The following IL1RAPL1 variants were observed in gnomAD, a reference collection of about 807,000 sequenced individuals.
The protein encoded by IL1RAPL1 is interleukin 1 receptor accessory protein like 1.
In IL1RAPL1, 3 loss-of-function variants were observed where a neutral mutation model predicts 48.4. That is an observed-to-expected ratio of 0.06 (90% CI 0.03 to 0.16). IL1RAPL1 has a LOEUF of 0.16. Ranked by LOEUF, IL1RAPL1 falls within the 10% of genes least tolerant of loss-of-function variation. The pLI is 1.00. For synonymous variants in IL1RAPL1, 185 were observed against 187.7 expected (o/e 0.99, Z 0.12); for missense variants, 349 against 530.6 (o/e 0.66, Z 3.36).
intron 2 of IL1RAPL1, among the ~76,000 whole-genome samples, chrX:29,226,850 T>C (rs929166227): frequency 2.7e-5 from 3 of 111,782 alleles, no homozygotes; most frequent in Non-Finnish European, 3.8e-5. Context: ...TCTCAAATAA[T>C]GAGCTAAAAT....
intron 2 of IL1RAPL1, among the ~76,000 whole-genome samples, chrX:29,086,412 A>T (rs921654528): frequency 8.9e-6 from 1 of 112,313 alleles, no homozygotes; most frequent in East Asian, 2.8e-4. Context: ...TTATCTGTCA[A>T]TCTCAAGGTA....
chrX:29,444,624 C>T (rs1302994815), intron 5 of IL1RAPL1, among the ~76,000 whole-genome samples: 1 of 111,498 alleles, frequency 9.0e-6, no homozygotes, highest in Non-Finnish European at 1.9e-5. Flanking sequence ...AGCATTTCCC[C>T]AGCCAGACTT....
At chrX:29,365,550 T>G (rs1270617708) in intron 3 of IL1RAPL1, among the ~76,000 whole-genome samples, 1 of 105,707 alleles carries the variant, frequency 9.5e-6, no homozygotes, top group Non-Finnish European at 1.9e-5. Context: ...ACAAAAAAAT[T>G]AGCTGGGCAT....
At chrX:28,616,021 G>A (rs1426460195) in intron 1 of IL1RAPL1, among the ~76,000 whole-genome samples, 1 of 112,473 alleles carries the variant, frequency 8.9e-6, no homozygotes, top group Non-Finnish European at 1.9e-5. Flanking sequence ...TTACAGAAGT[G>A]GAGCTCCTGA....
chrX:29,522,615 T>C (rs1935513980), intron 5 of IL1RAPL1, among the ~76,000 whole-genome samples: 1 of 112,096 alleles, frequency 8.9e-6, no homozygotes, highest in African/African-American at 3.2e-5. Context: ...ATGTTAATTT[T>C]TATTGCCCAG....
rs1168594971 is a variant in IL1RAPL1, at chrX:28,819,538, A to G, written c.82+30113A>G. Reference sequence around the variant, plus strand: ...CTTAAGATAAACTAAAGTGAAGTTTAAGCCATACACATATTGTTATGAAGT... The same window carrying G: ...CTTAAGATAAACTAAAGTGAAGTTTGAGCCATACACATATTGTTATGAAGT... On this transcript the variant is annotated intron_variant, in intron 2 of 10. Coordinates refer to ENST00000378993, the MANE Select transcript of IL1RAPL1 (RefSeq NM_014271.4). 7.2e-5 allele frequency among the ~76,000 whole-genome samples: 8 copies of G among 111,154 alleles called. No individual in the cohort carries two copies. In the East Asian group the frequency reaches 2.3e-3, roughly 32 times the overall value.
chrX:29,114,056 A>G (rs1433593709), intron 2 of IL1RAPL1, among the ~76,000 whole-genome samples: 2 of 111,489 alleles, frequency 1.8e-5, no homozygotes, highest in African/African-American at 6.5e-5. Context: ...TTATGTTCAC[A>G]AGTATAATAT....
intron 1 of IL1RAPL1, among the ~76,000 whole-genome samples, chrX:28,615,199 GTTTTT>G (rs778402885): frequency 2.7e-3 from 70 of 26,025 alleles, no homozygotes; most frequent in African/African-American, 9.5e-3. Context: ...ACTGTTGTCT[GTTTTT>G]TTTTTTTTTT....
rs1487262722 is a variant in IL1RAPL1 at position 29,768,116 on chromosome X, T to C, written c.778+99612T>C. On this transcript the variant is annotated intron_variant, in intron 6 of 10. Transcript: ENST00000378993. Reference sequence around the variant, plus strand: ...TGTTTAACTCCTTACAAATCATACTTATTTCTTTATAGTATATTGACAAGT... The same window carrying C: ...TGTTTAACTCCTTACAAATCATACTCATTTCTTTATAGTATATTGACAAGT... 2.7e-5 allele frequency among the ~76,000 whole-genome samples: 3 copies of C among 112,031 alleles called. No homozygotes were observed. In the East Asian group the frequency reaches 8.3e-4, roughly 31 times the overall value.
intron 5 of IL1RAPL1, among the ~76,000 whole-genome samples, chrX:29,559,154 A>C (rs1433891359): frequency 8.9e-6 from 1 of 111,884 alleles, no homozygotes; most frequent in African/African-American, 3.2e-5. Flanking sequence ...ATATCTTTCC[A>C]CTTATTTGCG....
At chrX:28,655,024 G>A (rs1032481228) in intron 1 of IL1RAPL1, among the ~76,000 whole-genome samples, 1 of 111,002 alleles carries the variant, frequency 9.0e-6, no homozygotes, top group African/African-American at 3.3e-5. Flanking sequence ...GGAGGAGTCG[G>A]GATGGAAAAT....
chrX:29,791,753 G>T (rs1251018728), intron 6 of IL1RAPL1, among the ~76,000 whole-genome samples: 2 of 79,602 alleles, frequency 2.5e-5, no homozygotes, highest in African/African-American at 5.0e-5. Context: ...TTCTTTTGAG[G>T]TGAGTCTCGC....
chrX:28,592,145 T>C (rs1323859686), intron 1 of IL1RAPL1, among the ~76,000 whole-genome samples: 2 of 111,980 alleles, frequency 1.8e-5, no homozygotes, highest in Admixed American at 9.5e-5. Flanking sequence ...AGTACTCATA[T>C]GGGAATATAG....
intron 5 of IL1RAPL1, among the ~76,000 whole-genome samples, chrX:29,538,161 A>G (rs961022426): frequency 1.9e-5 from 2 of 107,889 alleles, no homozygotes; most frequent in Non-Finnish European, 3.8e-5. Context: ...ATTGATTTTT[A>G]TATTAAAAAT....
intron 3 of IL1RAPL1, among the ~76,000 whole-genome samples, chrX:29,344,123 G>A (rs763724923): frequency 1.8e-5 from 2 of 112,009 alleles, no homozygotes; most frequent in Admixed American, 9.5e-5. Context: ...ACTTTCTGTT[G>A]TTTCCAAATG....
chrX:29,180,239 AT>A (rs1569253665), intron 2 of IL1RAPL1, among the ~76,000 whole-genome samples: 1 of 110,573 alleles, frequency 9.0e-6, no homozygotes, highest in Non-Finnish European at 1.9e-5. Context: ...TTGAGGAACA[AT>A]GTTTTATATA....
intron 3 of IL1RAPL1, among the ~76,000 whole-genome samples, chrX:29,316,421 G>A (rs1932770627): frequency 8.9e-6 from 1 of 112,162 alleles, no homozygotes; most frequent in Admixed American, 9.5e-5. Context: ...AAGGCAGGTG[G>A]AAAGCCCAAA....
chrX:29,749,412 G>C (rs1322444331), intron 6 of IL1RAPL1, among the ~76,000 whole-genome samples: 1 of 112,025 alleles, frequency 8.9e-6, no homozygotes, highest in Non-Finnish European at 1.9e-5. Flanking sequence ...ATAATGATTG[G>C]TCTAAATGTA....
intron 5 of IL1RAPL1, among the ~76,000 whole-genome samples, chrX:29,546,620 CTA>C (rs1412690951): frequency 9.0e-6 from 1 of 111,679 alleles, no homozygotes; most frequent in Non-Finnish European, 1.9e-5. Context: ...TTCCCAGTCT[CTA>C]AAAACTGTGA....
Sources: allele counts gnomAD v4.1 joint callset (sites outside exome capture counted in the v4.1 genomes callset), GRCh38; gene constraint gnomAD v4.1.1; transcripts MANE v1.5; gene names NCBI Gene and HGNC (gene_info 2026-07-23, HGNC 2026-07-21).